The following MAP3K4 variants were observed in gnomAD, a reference collection of about 807,000 sequenced individuals.
MAP3K4 encodes the protein mitogen-activated protein kinase kinase kinase 4.
Under a neutral mutation model 185.6 loss-of-function variants are expected in MAP3K4, and 67 were observed. The ratio of observed to expected loss-of-function variants is 0.36; its 90% CI spans 0.30 to 0.44. The LOEUF (loss-of-function observed/expected upper bound fraction) is 0.44. Ranked by LOEUF, MAP3K4 falls within the 20% of genes least tolerant of loss-of-function variation. MAP3K4 has a pLI of 1.00. For synonymous variants in MAP3K4, 702 were observed against 710.4 expected, an observed-to-expected ratio of 0.99 and a Z score of 0.19; for missense variants, 1,551 against 1,995.1, an observed-to-expected ratio of 0.78 and a Z score of 4.24.
In MAP3K4 at chr6:161,102,775, TA is replaced by T; in HGVS notation, c.3855del (p.Asp1286IlefsTer6). The T allele has an allele frequency of 7.0e-7, 1 of 1,434,744 alleles. No individual in the cohort carries two copies. The highest frequency in any genetic ancestry group is 9.4e-7 in the Non-Finnish European group (1 of 1,064,392). 88.9% of individuals were successfully genotyped at this position (1,434,744 alleles called of 1,614,324 possible). ...WELRTLISQS[K>X]DTASKLGPIE... The stretch of plus-strand genomic sequence containing the variant: ...AACTTCGGACACTAATCAGCCAGAG[TA>T]AAGGTGAGAGAAAGAGTGTTGAAGT... On this transcript the variant is annotated frameshift_variant, in exon 19 of 27. Coordinates refer to ENST00000392142, the MANE Select transcript of MAP3K4 (RefSeq NM_005922.4). LOFTEE classifies it high-confidence loss of function.
rs1490043471 is a variant in MAP3K4 at position 161,070,094 on chromosome 6, G to A, written c.1708-514G>A. On this transcript the variant is annotated intron_variant, in intron 3 of 26. Coordinates refer to ENST00000392142, the MANE Select transcript of MAP3K4 (RefSeq NM_005922.4). This position sits in a 1 kb window ranked among gnomAD's most constrained non-coding sequence, Gnocchi z 4.5. The stretch of plus-strand genomic sequence containing the variant: ...ATTTTTTAATTTTTCTGTCAGCATC[G>A]TTCATTACAGCTCAGGGGAACAAAT... Among the ~76,000 whole-genome samples the A allele has an allele frequency of 2.0e-4, 31 of 152,144 alleles. No homozygotes were observed. Among genetic ancestry groups the A allele is most frequent in the Admixed American group, 1.9e-3 (29 of 15,266 alleles).
rs1029134616 is a variant in MAP3K4, at chr6:161,037,139, C to T, written c.343+2690C>T. ...ACCAAGACAAGGTGGAAATGGGACG[C>T]CAGTGGTAGACAAGTGGGCCATTTT... On this transcript the variant is annotated intron_variant, in intron 2 of 26. Transcript: ENST00000392142. The surrounding 1 kb of genome is among the most constrained non-coding windows in gnomAD (Gnocchi z 4.2). Among the ~76,000 whole-genome samples the T allele has an allele frequency of 1.3e-5, 2 of 152,108 alleles. No individual in the cohort carries two copies. The highest frequency in any genetic ancestry group is 2.9e-5 in the Non-Finnish European group (2 of 68,022).
rs1225273722 is a variant in MAP3K4, at chr6:161,088,775, C to T, written c.2824-547C>T. On this transcript the variant is annotated intron_variant, in intron 10 of 26. Transcript: ENST00000392142. The surrounding 1 kb of genome is among the most constrained non-coding windows in gnomAD (Gnocchi z 4.5). ...GACTTTGAGTTTCCCTGCTTCAAAC[C>T]TCACCTTCTGTCTCTCCAATTCTGT... Among the ~76,000 whole-genome samples the T allele has an allele frequency of 6.6e-6, 1 of 152,266 alleles. No homozygotes were observed. Among genetic ancestry groups the T allele is most frequent in the East Asian group, 1.9e-4 (1 of 5,180 alleles).
chr6:161,084,159 C>G lies in MAP3K4; in HGVS notation c.2256-342C>G, dbSNP rs1307643498. ...CAGTTGAATTTAAGGAATTCCCTTT[C>G]CCTCTTATCCTATCATTTAGTTTGA... On this transcript the variant is annotated intron_variant, in intron 6 of 26. Transcript: ENST00000392142. The surrounding 1 kb of genome is among the most constrained non-coding windows in gnomAD (Gnocchi z 4.6). Among the ~76,000 whole-genome samples, 1 of 152,176 alleles carries G rather than the reference C, an allele frequency of 6.6e-6. No individual in the cohort carries two copies. The highest frequency in any genetic ancestry group is 2.4e-5 in the African/African-American group (1 of 41,446).
rs1311872453 is a variant in MAP3K4, at chr6:161,034,570, C to A, written c.343+121C>A. The A allele has an allele frequency of 3.1e-6, 2 of 636,094 alleles. No homozygotes were observed. The highest frequency in any genetic ancestry group is 5.9e-5 in the African/African-American group (1 of 16,890). The allele number at this position is 636,094 out of a possible 1,614,324, so 39.4% of individuals were successfully genotyped here. The stretch of plus-strand genomic sequence containing the variant: ...TTGATTTTAATGCTCCTGTAAAGTT[C>A]AATTTTTTTTTGAATTATTACCATT... On this transcript the variant is annotated intron_variant, in intron 2 of 26. Coordinates refer to ENST00000392142, the MANE Select transcript of MAP3K4 (RefSeq NM_005922.4). The surrounding 1 kb of genome is among the most constrained non-coding windows in gnomAD (Gnocchi z 4.4).
chr6:161,113,689 T>C (rs918170408), intron 25 of MAP3K4, among the ~76,000 whole-genome samples: 8 of 152,122 alleles, frequency 5.3e-5, no homozygotes, highest in Non-Finnish European at 1.2e-4. Context: ...CTAAAAAGAT[T>C]GTCTGTTAAC....
intron 1 of MAP3K4, among the ~76,000 whole-genome samples, chr6:161,024,769 G>T (rs763802964): frequency 5.3e-5 from 8 of 152,168 alleles, no homozygotes; most frequent in Non-Finnish European, 7.4e-5. Flanking sequence ...CCTGTTTGTT[G>T]TCAGGTTACC....
rs557394296 is a variant in MAP3K4 at position 161,093,096 on chromosome 6, C to T, written c.3348+40C>T. 3.6e-5 allele frequency: 48 copies of T among 1,322,690 alleles called. No individual in the cohort carries two copies. The South Asian group carries it at 5.1e-4, about 14-fold the overall frequency. 81.9% of individuals were successfully genotyped at this position (1,322,690 alleles called of 1,614,324 possible). A position where few individuals can be genotyped will look rare whatever the true frequency, so the allele number is the denominator to read the frequency against. On this transcript the variant is annotated intron_variant, in intron 14 of 26. Coordinates refer to ENST00000392142, the MANE Select transcript of MAP3K4 (RefSeq NM_005922.4). This position sits in a 1 kb window ranked among gnomAD's most constrained non-coding sequence, Gnocchi z 5.2. Reference sequence around the variant, plus strand: ...AAAGTTTTTTTCATTATAAAATAAGCCAGTCACTCCTTATTTTCTGGTTGT... The same window carrying T: ...AAAGTTTTTTTCATTATAAAATAAGTCAGTCACTCCTTATTTTCTGGTTGT...
chr6:161,092,594 G>A (rs955390213), intron 13 of MAP3K4, among the ~76,000 whole-genome samples: 9 of 151,186 alleles, frequency 6.0e-5, no homozygotes, highest in Admixed American at 6.6e-5. Context: ...ATAGCATGGG[G>A]CACTTTCTTA....
intron 15 of MAP3K4, among the ~76,000 whole-genome samples, chr6:161,094,151 A>G (rs1482417349): frequency 1.3e-5 from 2 of 152,102 alleles, no homozygotes; most frequent in African/African-American, 4.8e-5. Flanking sequence ...ATCTTTTCTG[A>G]TGGGGAGGAA....
rs945803401 is a variant in MAP3K4 at position 161,103,124 on chromosome 6, C to T, written c.3856+345C>T. Among the ~76,000 whole-genome samples the T allele has an allele frequency of 3.0e-4, 46 of 152,206 alleles. No homozygotes were observed. Among genetic ancestry groups the T allele is most frequent in the African/African-American group, 9.4e-4 (39 of 41,516 alleles). ...ATTAGACATTGAGGGAAAGAACTTA[C>T]GAAGCATGTGATTAATATTATCAAA... On this transcript the variant is annotated intron_variant, in intron 19 of 26. Transcript: ENST00000392142. This position sits in a 1 kb window ranked among gnomAD's most constrained non-coding sequence, Gnocchi z 4.6.
Position 160,992,817 on chromosome 6 carries a change from AT to A in MAP3K4, c.152+744del, listed in dbSNP as rs555062555. On this transcript the variant is annotated intron_variant, in intron 1 of 26. Coordinates refer to ENST00000392142, the MANE Select transcript of MAP3K4 (RefSeq NM_005922.4). Reference sequence around the variant, plus strand: ...TCTATTAACTTATTTTTATGTCTTTATTTTTTTTTTAATTGAGAGAACAAAC... The same window carrying A: ...TCTATTAACTTATTTTTATGTCTTTATTTTTTTTTAATTGAGAGAACAAAC... Among the ~76,000 whole-genome samples the A allele has an allele frequency of 7.1e-3, 1,066 of 149,316 alleles. 5 individuals carry two copies. The highest frequency in any genetic ancestry group is 0.013 in the African/African-American group (511 of 40,748).
intron 3 of MAP3K4, among the ~76,000 whole-genome samples, chr6:161,069,430 C>T (rs759014800): frequency 2.0e-5 from 3 of 151,978 alleles, no homozygotes; most frequent in Non-Finnish European, 4.4e-5. Context: ...GCATGGGCAG[C>T]GAGGCTGGTG....
At position 161,062,338 on chromosome 6, in the gene MAP3K4, G is replaced by T. The variant is rs149590633; in HGVS notation, c.1708-8270G>T. Among the ~76,000 whole-genome samples the T allele has an allele frequency of 2.0e-3, 305 of 152,230 alleles. 1 individual carries two copies. Among genetic ancestry groups the T allele is most frequent in the African/African-American group, 7.0e-3 (291 of 41,528 alleles). ...TCTGTATTATCAATCATACAGCCGT[G>T]TATGACAGTACTTTCTCCCCCATAG... On this transcript the variant is annotated intron_variant, in intron 3 of 26. Transcript: ENST00000392142.
rs542420539 is a variant in MAP3K4 at position 161,108,485 on chromosome 6, C to T, written c.4120-258C>T. Among the ~76,000 whole-genome samples, 199 of 152,208 alleles carry T rather than the reference C, an allele frequency of 1.3e-3. No individual in the cohort carries two copies. Among genetic ancestry groups the T allele is most frequent in the Admixed American group, 2.2e-3 (34 of 15,308 alleles). The stretch of plus-strand genomic sequence containing the variant: ...GCGTCTTGCACTTGCCGTGGAGCCG[C>T]GTCCTCCTCCACATGGCGCTCCTCA... On this transcript the variant is annotated intron_variant, in intron 21 of 26. Coordinates refer to ENST00000392142, the MANE Select transcript of MAP3K4 (RefSeq NM_005922.4). The surrounding 1 kb of genome is among the most constrained non-coding windows in gnomAD (Gnocchi z 5.7).
intron 1 of MAP3K4, chr6:160,992,477 TCATTCGAGTAAAAGAGA>T (rs781580365): frequency 2.5e-4 from 57 of 228,870 alleles, no homozygotes; most frequent in Non-Finnish European, 4.2e-4. Context: ...CCCTCTGCCC[TCATTCGAGTAAAAGAGA>T]CATTCGGAAA....
At chr6:160,999,502 C>T (rs1280003057) in intron 1 of MAP3K4, among the ~76,000 whole-genome samples, 1 of 152,136 alleles carries the variant, frequency 6.6e-6, no homozygotes, top group Non-Finnish European at 1.5e-5. Context: ...GATGGTAGGA[C>T]GCTTAGTGTT....
chr6:161,068,599 C>G (rs1784804299), intron 3 of MAP3K4, among the ~76,000 whole-genome samples: 1 of 152,150 alleles, frequency 6.6e-6, no homozygotes, highest in Non-Finnish European at 1.5e-5. Context: ...AACAAAATCA[C>G]TTTGTGGGTT....
intron 1 of MAP3K4, among the ~76,000 whole-genome samples, chr6:161,027,175 G>A (rs6926524): frequency 0.028 from 4,251 of 152,142 alleles, 211 homozygotes; most frequent in African/African-American, 0.098. Flanking sequence ...TCATGAATGC[G>A]GATAGCTAAT....
Sources: allele counts gnomAD v4.1 joint callset (sites outside exome capture counted in the v4.1 genomes callset), GRCh38; gene constraint gnomAD v4.1.1; non-coding constraint Gnocchi (gnomAD v3.1); transcripts MANE v1.5; gene names NCBI Gene and HGNC (gene_info 2026-07-23, HGNC 2026-07-21).